The following PLCG2 variants were observed in gnomAD, a reference collection of about 807,000 sequenced individuals.
PLCG2 encodes phospholipase C gamma 2.
A neutral mutation model predicts 175.6 loss-of-function variants in PLCG2; 69 were observed. The ratio of observed to expected loss-of-function variants is 0.39; its 90% CI spans 0.32 to 0.48. The LOEUF (loss-of-function observed/expected upper bound fraction) is 0.48, where lower values mean the gene tolerates loss of function less well. Ranked by LOEUF, PLCG2 falls within the 20% of genes least tolerant of loss-of-function variation. PLCG2 has a pLI of 0.91. For missense variants in PLCG2, 1,798 were observed against 1,650.9 expected (o/e 1.09, Z -1.54); for synonymous variants, 827 against 624.0 (o/e 1.33, Z -4.85).
At chr16:81,828,762 A>G (rs1433568847) in intron 2 of PLCG2, among the ~76,000 whole-genome samples, 1 of 152,164 alleles carries the variant, frequency 6.6e-6, no homozygotes, top group Non-Finnish European at 1.5e-5. Flanking sequence ...TGATTGAACA[A>G]TGTGGCATTT....
At chr16:81,885,983 A>G (rs1000259932) in intron 9 of PLCG2, among the ~76,000 whole-genome samples, 1 of 152,260 alleles carries the variant, frequency 6.6e-6, no homozygotes. Flanking sequence ...TATTGGGCAC[A>G]GTCACGTTAG....
chr16:81,881,545 A>G (rs575910872), intron 8 of PLCG2, among the ~76,000 whole-genome samples: 16 of 152,366 alleles, frequency 1.1e-4, no homozygotes, highest in Admixed American at 9.8e-4. Context: ...GGTCTGGGGT[A>G]CGTTGATCCA....
At chr16:81,880,162 G>A (rs1393820798) in intron 7 of PLCG2, among the ~76,000 whole-genome samples, 1 of 152,214 alleles carries the variant, frequency 6.6e-6, no homozygotes, top group Non-Finnish European at 1.5e-5. Flanking sequence ...GATCATGTGA[G>A]CTCAGGAGAG....
At chr16:81,873,450 CAG>C (rs1215016124) in intron 7 of PLCG2, among the ~76,000 whole-genome samples, 1 of 152,070 alleles carries the variant, frequency 6.6e-6, no homozygotes, top group Non-Finnish European at 1.5e-5. Flanking sequence ...ATAATGATGA[CAG>C]TGTGCGTATG....
At chr16:81,950,673 C>A (rs1464384311) in intron 31 of PLCG2, among the ~76,000 whole-genome samples, 1 of 152,120 alleles carries the variant, frequency 6.6e-6, no homozygotes, top group African/African-American at 2.4e-5. Flanking sequence ...TTGGCTGTAA[C>A]TGGACTAGAT....
At chr16:81,935,191 G>A (rs533965525) in intron 26 of PLCG2, among the ~76,000 whole-genome samples, 10 of 152,238 alleles carry the variant, frequency 6.6e-5, no homozygotes, top group Admixed American at 2.0e-4. Flanking sequence ...TGCTCCCTCC[G>A]GAGGGGAAAG....
rs777445397 is a variant in PLCG2, at chr16:81,895,887, G to A, written c.1153G>A (p.Val385Ile). 8.7e-6 allele frequency: 14 copies of A among 1,614,012 alleles called. No homozygotes were observed. In the South Asian group the frequency reaches 1.2e-4, roughly 14 times the overall value. The change falls in exon 13 of 33, where the codon GTC becomes ATC. Residue 385 changes from valine (V) to isoleucine (I), a missense_variant. Physicochemically the swap from Val to Ile is conservative, Grantham distance 29. Transcript: ENST00000564138. ...GACTACCAAGATCAAGTTTGACGAC[G>A]TCGTGCAGGCCATCAAAGACCACGC... ...TRTTKIKFDD[V>I]VQAIKDHAFV...
chr16:81,884,728 T>C (rs1286830958), intron 9 of PLCG2, among the ~76,000 whole-genome samples: 1 of 152,184 alleles, frequency 6.6e-6, no homozygotes, highest in Non-Finnish European at 1.5e-5. Context: ...AAATAGAGTT[T>C]ATATTTTAGA....
At chr16:81,781,585 G>T (rs1233166501) in intron 1 of PLCG2, among the ~76,000 whole-genome samples, 1 of 152,196 alleles carries the variant, frequency 6.6e-6, no homozygotes, top group African/African-American at 2.4e-5. Flanking sequence ...GAGCAGGGGT[G>T]GAATTTACAC....
At chr16:81,759,898 G>A (rs558745695) in intron 2 of PLCG2, among the ~76,000 whole-genome samples, 14 of 152,178 alleles carry the variant, frequency 9.2e-5, no homozygotes, top group Non-Finnish European at 1.9e-4. Flanking sequence ...AGGCCGAGGC[G>A]GGCAGATCAC....
chr16:81,818,003 C>G (rs1338776241), intron 2 of PLCG2, among the ~76,000 whole-genome samples: 5 of 152,196 alleles, frequency 3.3e-5, no homozygotes, highest in Non-Finnish European at 5.9e-5. Flanking sequence ...TTAGAGAGAC[C>G]TGGTTGTCAT....
intron 2 of PLCG2, among the ~76,000 whole-genome samples, chr16:81,816,245 C>T (rs1904541306): frequency 6.6e-6 from 1 of 152,040 alleles, no homozygotes; most frequent in Admixed American, 6.6e-5. Flanking sequence ...GCAGCACATG[C>T]CTGTAATCCC....
upstream of PLCG2, among the ~76,000 whole-genome samples, chr16:81,775,707 G>A (rs952578449): frequency 2.0e-5 from 3 of 152,170 alleles, no homozygotes; most frequent in Non-Finnish European, 4.4e-5. Flanking sequence ...AGAATACAAA[G>A]AGTCAAGATG....
At chr16:81,801,639 A>G (rs147734877) in intron 2 of PLCG2, among the ~76,000 whole-genome samples, 158 of 151,976 alleles carry the variant, frequency 1.0e-3, no homozygotes, top group African/African-American at 3.6e-3. Context: ...TTAAAAACCT[A>G]TCTCCCATTT....
intron 2 of PLCG2, among the ~76,000 whole-genome samples, chr16:81,800,629 G>A (rs1911677413): frequency 1.3e-5 from 2 of 151,770 alleles, no homozygotes; most frequent in South Asian, 4.2e-4. Flanking sequence ...TGGGCATTTG[G>A]GTTGATTCCC....
At chr16:81,852,577 A>T (rs7193477) in intron 2 of PLCG2, among the ~76,000 whole-genome samples, 30,616 of 152,014 alleles carry the variant, frequency 0.2, 3,140 homozygotes, top group Non-Finnish European at 0.22. Context: ...TCAGGTTGCT[A>T]TCCTTGCCTG....
At chr16:81,927,764 G>A (rs755845697) in intron 23 of PLCG2, among the ~76,000 whole-genome samples, 21 of 152,196 alleles carry the variant, frequency 1.4e-4, no homozygotes, top group Non-Finnish European at 2.1e-4. Flanking sequence ...GCTTCCTGGA[G>A]GAAGGAGTAT....
intron 19 of PLCG2, among the ~76,000 whole-genome samples, chr16:81,914,511 G>A (rs987929765): frequency 3.9e-5 from 6 of 152,136 alleles, no homozygotes; most frequent in Non-Finnish European, 5.9e-5. Flanking sequence ...TTACATACAC[G>A]CCCCATTCAG....
At chr16:81,955,866 T>C (rs556286833) in intron 31 of PLCG2, among the ~76,000 whole-genome samples, 1 of 152,218 alleles carries the variant, frequency 6.6e-6, no homozygotes, top group Non-Finnish European at 1.5e-5. Context: ...AAGATGTAAT[T>C]TATGATACCT....
Sources: gnomAD v4.1 joint callset for allele counts (sites outside exome capture counted in the v4.1 genomes callset) on GRCh38, gnomAD v4.1.1 for gene constraint, MANE v1.5 for transcripts, NCBI Gene and HGNC (gene_info 2026-07-23, HGNC 2026-07-21) for gene names.